SLC38A8: variants seen among roughly 807,000 people sequenced by gnomAD.
The protein encoded by SLC38A8 is amino acid transporter SLC38A8.
In SLC38A8, 65 loss-of-function variants were observed where a neutral mutation model predicts 46.0. That is an observed-to-expected ratio of 1.41 (90% CI 1.16 to 1.74). The LOEUF (loss-of-function observed/expected upper bound fraction) is 1.74, where lower values mean the gene tolerates loss of function less well. Ranked by LOEUF, SLC38A8 falls within the 40% of genes most tolerant of loss-of-function variation. The pLI, the probability that SLC38A8 is intolerant of heterozygous loss-of-function variation, is 0.00. For synonymous variants in SLC38A8, 447 were observed against 243.7 expected, an observed-to-expected ratio of 1.83 and a Z score of -7.77; for missense variants, 998 against 567.9, an observed-to-expected ratio of 1.76 and a Z score of -7.70.
chr16:84,024,626 T>C (rs894395377), intron 6 of SLC38A8, among the ~76,000 whole-genome samples: 72 of 152,122 alleles, frequency 4.7e-4, no homozygotes, highest in African/African-American at 1.7e-3. Flanking sequence ...ACTAAAAGTA[T>C]AAAAATTAGT....
intron 2 of SLC38A8, chr16:84,039,782 G>C (rs572856812): frequency 6.8e-6 from 1 of 146,010 alleles, no homozygotes; most frequent in Non-Finnish European, 1.5e-5. Flanking sequence ...AGGGGAAGGT[G>C]TGGGGGGCAA....
intron 6 of SLC38A8, 32 bp downstream of exon 6, chr16:84,029,462 G>C (rs777820438): frequency 6.2e-7 from 1 of 1,611,632 alleles, no homozygotes; most frequent in South Asian, 1.1e-5. Context: ...CTCTGCAAAC[G>C]CCACAGGCTG....
At chr16:84,039,259 C>G (rs1380442491) in intron 2 of SLC38A8, among the ~76,000 whole-genome samples, 1 of 152,164 alleles carries the variant, frequency 6.6e-6, no homozygotes, top group African/African-American at 2.4e-5. Flanking sequence ...GTGTTTTAAG[C>G]CCTACGTTTT....
chr16:84,028,895 G>A (rs911000760), intron 6 of SLC38A8, among the ~76,000 whole-genome samples: 1 of 152,106 alleles, frequency 6.6e-6, no homozygotes, highest in African/African-American at 2.4e-5. Context: ...ACCACCTTGA[G>A]CGGACACCTC....
chr16:84,012,897 G>T (rs2084970801), intron 10 of SLC38A8, 104 bp downstream of exon 10: 4 of 1,274,988 alleles, frequency 3.1e-6, no homozygotes, highest in East Asian at 4.7e-5. Context: ...TTTCTCACCT[G>T]CAGGATGCAG....
chr16:84,028,735 C>T (rs1352087904), intron 6 of SLC38A8, among the ~76,000 whole-genome samples: 1 of 150,244 alleles, frequency 6.7e-6, no homozygotes, highest in African/African-American at 2.5e-5. Flanking sequence ...CCACAGAGCC[C>T]TCTGCAGGTC....
rs547809692 is a variant in SLC38A8 at position 84,041,310 on chromosome 16, G to A, written c.189+659C>T. 2.0e-5 allele frequency: 3 copies of A among 152,522 alleles called. No homozygotes were observed. The East Asian group carries it at 5.8e-4, about 29-fold the overall frequency. 9.4% of individuals were successfully genotyped at this position (152,522 alleles called of 1,614,324 possible). ...CAGTTTTAGGCTCAATCTGCACACA[G>A]GAGTCGAGCTTTGTTTTTGTGTGTT... On this transcript the variant is annotated intron_variant, in intron 2 of 10. Coordinates refer to ENST00000299709, the MANE Select transcript of SLC38A8 (RefSeq NM_001080442.3).
intron 9 of SLC38A8, among the ~76,000 whole-genome samples, chr16:84,014,466 G>A (rs1468759610): frequency 6.6e-6 from 1 of 151,744 alleles, no homozygotes; most frequent in Non-Finnish European, 1.5e-5. Context: ...CCAGAGTCGA[G>A]GGAGGAGCTG....
At chr16:84,024,120 G>A (rs890787802) in intron 6 of SLC38A8, among the ~76,000 whole-genome samples, 7 of 152,102 alleles carry the variant, frequency 4.6e-5, no homozygotes, top group African/African-American at 1.4e-4. Context: ...CCCAAGTTGT[G>A]ACAACCCAAA....
At chr16:84,037,212 ACT>A (rs2085310266) in intron 2 of SLC38A8, among the ~76,000 whole-genome samples, 1 of 152,078 alleles carries the variant, frequency 6.6e-6, no homozygotes, top group South Asian at 2.1e-4. Flanking sequence ...TGTTTAAGTT[ACT>A]CTCCTAAAAT....
rs376202263 is a variant in SLC38A8 at position 84,036,714 on chromosome 16, G to A, written c.376C>T (p.Gln126Ter). The A allele has an allele frequency of 6.2e-7, 1 of 1,614,164 alleles. No individual in the cohort carries two copies. The highest frequency in any genetic ancestry group is 8.5e-7 in the Non-Finnish European group (1 of 1,180,036). The stretch of plus-strand genomic sequence containing the variant: ...TGAAGGTACTTACGCTTCTCCAGCT[G>A]GTCCCCGATCACCCTGAGGAAGGCC... The part of the protein sequence containing the change: ...SVAFLRVIGD[Q>*]LEKLCDSLLS... The change falls in exon 3 of 11, where the codon CAG (glutamine) becomes TAG (stop). Residue 126 changes from glutamine to a stop codon, truncating the protein, a stop_gained. Coordinates refer to ENST00000299709, the MANE Select transcript of SLC38A8 (RefSeq NM_001080442.3). LOFTEE classifies it high-confidence loss of function.
intron 1 of SLC38A8, 70 bp from the exon 2 acceptor site, chr16:84,042,229 T>C: frequency 6.7e-7 from 1 of 1,496,432 alleles, no homozygotes; most frequent in Non-Finnish European, 9.0e-7. Context: ...TCGATATCCT[T>C]ATTTGTCTCC....
chr16:84,031,650 G>T (rs139834576), intron 5 of SLC38A8, among the ~76,000 whole-genome samples: 1 of 152,234 alleles, frequency 6.6e-6, no homozygotes, highest in South Asian at 2.1e-4. Flanking sequence ...TGCGTCCCTT[G>T]GCCTGTCCCG....
At chr16:84,030,007 C>A (rs905561460) in intron 5 of SLC38A8, among the ~76,000 whole-genome samples, 1 of 152,130 alleles carries the variant, frequency 6.6e-6, no homozygotes. Flanking sequence ...TCTTGGGATC[C>A]CCGCCTGGTT....
chr16:84,025,229 C>T (rs1432965268), intron 6 of SLC38A8, among the ~76,000 whole-genome samples: 14 of 152,176 alleles, frequency 9.2e-5, no homozygotes, highest in Admixed American at 4.6e-4. Flanking sequence ...CACCATCACA[C>T]CCACTCTCTC....
chr16:84,033,754 C>T (rs1054268804), intron 3 of SLC38A8, among the ~76,000 whole-genome samples: 1 of 152,172 alleles, frequency 6.6e-6, no homozygotes, highest in Non-Finnish European at 1.5e-5. Context: ...CATCTGCCCT[C>T]GTGCCCCTTA....
At chr16:84,010,805 C>A (rs891186558) in intron 10 of SLC38A8, among the ~76,000 whole-genome samples, 1 of 152,144 alleles carries the variant, frequency 6.6e-6, no homozygotes, top group Non-Finnish European at 1.5e-5. Flanking sequence ...CCCACCCTCC[C>A]TTTCTGTTCC....
chr16:84,034,940 G>A (rs1597275916), intron 3 of SLC38A8, among the ~76,000 whole-genome samples: 3 of 152,252 alleles, frequency 2.0e-5, no homozygotes, highest in Middle Eastern at 6.8e-3. Flanking sequence ...CCAAAGACAT[G>A]GTCAATTGTA....
At chr16:84,022,969 G>T in intron 6 of SLC38A8, 80 bp from the exon 7 acceptor site, 2 of 1,009,552 alleles carry the variant, frequency 2.0e-6, no homozygotes, top group Non-Finnish European at 2.8e-6. Context: ...TATCCAAAAG[G>T]CGGGAAATGT....
Sources: gnomAD v4.1 joint callset for allele counts (sites outside exome capture counted in the v4.1 genomes callset) on GRCh38, gnomAD v4.1.1 for gene constraint, MANE v1.5 for transcripts, NCBI Gene and HGNC (gene_info 2026-07-23, HGNC 2026-07-21) for gene names.